The following SPSB4 variants were observed in gnomAD, a reference collection of about 807,000 sequenced individuals.
SPSB4 encodes the protein splA/ryanodine receptor domain and SOCS box containing 4.
A neutral mutation model predicts 20.9 loss-of-function variants in SPSB4; 21 were observed. The observed-to-expected ratio is 1.01, with a 90% CI of 0.71 to 1.45. The LOEUF (loss-of-function observed/expected upper bound fraction) is 1.45. Ranked by LOEUF, SPSB4 falls within the 40% of genes most tolerant of loss-of-function variation. The pLI is 0.00. For missense variants in SPSB4, 399 were observed against 399.2 expected (o/e 1.00, Z 0.00); for synonymous variants, 207 against 183.8 (o/e 1.13, Z -1.02).
At chr3:141,082,835 G>A (rs1938264767) in intron 2 of SPSB4, among the ~76,000 whole-genome samples, 1 of 152,212 alleles carries the variant, frequency 6.6e-6, no homozygotes, top group South Asian at 2.1e-4. Context: ...TGTCCTGAGG[G>A]CTCTTTTCTT....
At chr3:141,138,586 T>C (rs1208400074) in intron 2 of SPSB4, among the ~76,000 whole-genome samples, 2 of 152,258 alleles carry the variant, frequency 1.3e-5, no homozygotes, top group Non-Finnish European at 2.9e-5. Context: ...CTTCATTTCC[T>C]TGTGAACCCA....
intron 2 of SPSB4, among the ~76,000 whole-genome samples, chr3:141,069,885 T>C (rs1937963521): frequency 6.6e-6 from 1 of 152,196 alleles, no homozygotes; most frequent in African/African-American, 2.4e-5. Context: ...GTAATGGATA[T>C]CACTTTCTCA....
chr3:141,087,816 A>T (rs1382280507), intron 2 of SPSB4, among the ~76,000 whole-genome samples: 1 of 152,166 alleles, frequency 6.6e-6, no homozygotes, highest in Admixed American at 6.5e-5. Flanking sequence ...GTCGCCTGTG[A>T]GGAGTTGCTG....
chr3:141,147,888 T>C lies in SPSB4; in HGVS notation c.*619T>C, dbSNP rs1169807533. ...ACCTTCCGGCTTACCTCTTTGAACG[T>C]TGTTTACCTACCCCTTTCCACGTGC... On this transcript the variant is annotated 3_prime_UTR_variant, in exon 3 of 3. Coordinates refer to ENST00000310546, the MANE Select transcript of SPSB4 (RefSeq NM_080862.3). 1 of 153,072 alleles carries C rather than the reference T, an allele frequency of 6.5e-6. No homozygotes were observed. The highest frequency in any genetic ancestry group is 1.5e-5 in the Non-Finnish European group (1 of 68,416). 9.5% of individuals were successfully genotyped at this position (153,072 alleles called of 1,614,324 possible).
intron 2 of SPSB4, among the ~76,000 whole-genome samples, chr3:141,081,125 G>A (rs559867676): frequency 6.6e-6 from 1 of 152,212 alleles, no homozygotes; most frequent in Non-Finnish European, 1.5e-5. Context: ...TTACACTGTG[G>A]TGCTACATCA....
At chr3:141,115,773 C>G (rs1443669560) in intron 2 of SPSB4, among the ~76,000 whole-genome samples, 2 of 152,222 alleles carry the variant, frequency 1.3e-5, no homozygotes, top group Non-Finnish European at 2.9e-5. Flanking sequence ...TCATTTACCA[C>G]TTCTTCTTAG....
At chr3:141,125,725 C>G (rs987687249) in intron 2 of SPSB4, among the ~76,000 whole-genome samples, 1 of 152,208 alleles carries the variant, frequency 6.6e-6, no homozygotes, top group African/African-American at 2.4e-5. Context: ...CCTCCTCCCT[C>G]TGCTTATATT....
At position 141,134,140 on chromosome 3, in the gene SPSB4, C is replaced by T. The variant is rs557419967; in HGVS notation, c.695-13002C>T. 2.1e-4 allele frequency among the ~76,000 whole-genome samples: 28 copies of T among 131,670 alleles called. 1 individual carries two copies. In the South Asian group the frequency reaches 6.5e-3, roughly 31 times the overall value. The allele number at this position is 131,670 out of a possible 152,430, so 86.4% of individuals were successfully genotyped here. A position where few individuals can be genotyped will look rare whatever the true frequency, so the allele number is the denominator to read the frequency against. On this transcript the variant is annotated intron_variant, in intron 2 of 2. Transcript: ENST00000310546. ...TGGTCACTGTTGGTGTATAGCAGTGCTACTGATTTGTGTACATTGATTTTG... is the reference window on the plus strand; with the variant it reads ...TGGTCACTGTTGGTGTATAGCAGTGTTACTGATTTGTGTACATTGATTTTG...
intron 2 of SPSB4, among the ~76,000 whole-genome samples, chr3:141,082,618 GCTATCTATCTAT>G (rs57148827): frequency 2.0e-3 from 293 of 146,416 alleles, no homozygotes; most frequent in African/African-American, 6.5e-3. Context: ...CAACCCAGGT[GCTATCTATCTAT>G]CTATCTATCT....
chr3:141,066,744 A>T lies in SPSB4; in HGVS notation c.640A>T (p.Ser214Cys), dbSNP rs1937893634. 1.9e-6 allele frequency: 3 copies of T among 1,599,424 alleles called. No homozygotes were observed. In the African/African-American group the frequency reaches 4.0e-5, roughly 21 times the overall value. The change falls in exon 2 of 3, where the codon AGT (serine) becomes TGT (cysteine). Residue 214 changes from serine (S) to cysteine (C), a missense_variant. By Grantham distance (112) the Ser-to-Cys change is moderately radical. Coordinates refer to ENST00000310546, the MANE Select transcript of SPSB4 (RefSeq NM_080862.3). ...LKGKKLYPVV[S>C]AVWGHCEVTM... is the part of the protein sequence containing the mutation. ...GGGCAAGAAGCTGTACCCGGTGGTG[A>T]GTGCCGTGTGGGGCCACTGTGAAGT...
At chr3:141,121,701 A>C (rs1938969501) in intron 2 of SPSB4, among the ~76,000 whole-genome samples, 1 of 151,960 alleles carries the variant, frequency 6.6e-6, no homozygotes, top group Admixed American at 6.6e-5. Flanking sequence ...CACTTGATTG[A>C]ATCGGTTATT....
intron 2 of SPSB4, among the ~76,000 whole-genome samples, chr3:141,067,828 G>T (rs1209751547): frequency 6.6e-6 from 1 of 152,176 alleles, no homozygotes; most frequent in East Asian, 1.9e-4. Context: ...CCCCAATGAA[G>T]CTCTCAGAGG....
chr3:141,110,423 C>T (rs1235456124), intron 2 of SPSB4, among the ~76,000 whole-genome samples: 1 of 152,194 alleles, frequency 6.6e-6, no homozygotes, highest in African/African-American at 2.4e-5. Flanking sequence ...CACATACTGC[C>T]TTGGAGCTTT....
intron 2 of SPSB4, among the ~76,000 whole-genome samples, chr3:141,134,045 TTTTC>T (rs759510275): frequency 2.5e-4 from 32 of 128,884 alleles, no homozygotes; most frequent in Admixed American, 5.7e-4. Flanking sequence ...CTTTTTTTTT[TTTTC>T]TTTTTTCTTT....
At chr3:141,124,581 T>A (rs973377713) in intron 2 of SPSB4, among the ~76,000 whole-genome samples, 1 of 152,016 alleles carries the variant, frequency 6.6e-6, no homozygotes, top group African/African-American at 2.4e-5. Context: ...GCGTTCATAA[T>A]GGAGTCAGGA....
At chr3:141,052,399 G>C (rs897544147) in intron 1 of SPSB4, among the ~76,000 whole-genome samples, 2 of 152,214 alleles carry the variant, frequency 1.3e-5, no homozygotes, top group African/African-American at 4.8e-5. Flanking sequence ...AGATCTATGG[G>C]ATGGTGTTCG....
intron 2 of SPSB4, among the ~76,000 whole-genome samples, chr3:141,109,509 C>T (rs192075213): frequency 2.6e-5 from 4 of 152,074 alleles, no homozygotes; most frequent in Non-Finnish European, 4.4e-5. Context: ...TCCTTGCCAG[C>T]GGTCCTCATT....
chr3:141,080,334 G>A (rs1407685369), intron 2 of SPSB4: 1 of 152,214 alleles, frequency 6.6e-6, no homozygotes, highest in Non-Finnish European at 1.5e-5. Context: ...AGTTCCCTGG[G>A]TCTACTAAGA....
intron 2 of SPSB4, among the ~76,000 whole-genome samples, chr3:141,142,778 A>G (rs1416230477): frequency 9.2e-6 from 1 of 109,036 alleles, no homozygotes; most frequent in Non-Finnish European, 2.0e-5. Context: ...TGATCCTTTC[A>G]TTATGATATA....
Sources: gnomAD v4.1 joint callset for allele counts (sites outside exome capture counted in the v4.1 genomes callset) on GRCh38, gnomAD v4.1.1 for gene constraint, MANE v1.5 for transcripts, NCBI Gene and HGNC (gene_info 2026-07-23, HGNC 2026-07-21) for gene names.